LMBRD1: variants seen among roughly 807,000 people sequenced by gnomAD.
LMBRD1 encodes the protein lysosomal cobalamin transport escort protein LMBD1.
Under a neutral mutation model 74.8 loss-of-function variants are expected in LMBRD1, and 64 were observed. The ratio of observed to expected loss-of-function variants is 0.86; its 90% confidence interval spans 0.70 to 1.05. LMBRD1 has a LOEUF of 1.05. Among genes scored for constraint, LMBRD1 ranks in the 50% least tolerant of loss-of-function variants. The pLI, the probability that LMBRD1 is intolerant of heterozygous loss-of-function variation, is 0.00. For missense variants in LMBRD1, 652 were observed against 645.9 expected, an observed-to-expected ratio of 1.01 and a Z score of -0.10; for synonymous variants, 204 against 216.3, an observed-to-expected ratio of 0.94 and a Z score of 0.50.
intron 9 of LMBRD1, among the ~76,000 whole-genome samples, chr6:69,708,406 A>G (rs990391343): frequency 2.0e-5 from 3 of 152,176 alleles, no homozygotes; most frequent in East Asian, 3.8e-4. Flanking sequence ...ATCAAAAGGA[A>G]CTGCACTGCA....
chr6:69,780,401 CAA>C, intron 3 of LMBRD1, 91 bp downstream of exon 3: 1 of 943,528 alleles, frequency 1.1e-6, no homozygotes, highest in Non-Finnish European at 1.7e-6. Flanking sequence ...TAATTCGACC[CAA>C]GAGGAAGAAC....
In LMBRD1 at chr6:69,782,213, T is replaced by C. The variant is rs1181366070; in HGVS notation, c.247-1659A>G. Among the ~76,000 whole-genome samples the C allele has an allele frequency of 2.0e-5, 3 of 152,212 alleles. No individual in the cohort carries two copies. In the East Asian group the frequency reaches 5.8e-4, roughly 29 times the overall value. On this transcript the variant is annotated intron_variant, in intron 2 of 15. Coordinates refer to ENST00000649934, the MANE Select transcript of LMBRD1 (RefSeq NM_018368.4). ...AGTTTATTCATTGGACAATACTACT[T>C]GTCCAACAAATTACCTCAGGAGCTC...
intron 14 of LMBRD1, among the ~76,000 whole-genome samples, chr6:69,680,872 T>C (rs1464149074): frequency 1.3e-5 from 2 of 152,106 alleles, no homozygotes; most frequent in Non-Finnish European, 2.9e-5. Context: ...CCATCTGCCA[T>C]CTTCCAGCTG....
At chr6:69,762,375 CCGAGA>C (rs1765390841) in intron 3 of LMBRD1, among the ~76,000 whole-genome samples, 1 of 151,674 alleles carries the variant, frequency 6.6e-6, no homozygotes. Context: ...CTTTGTGTGG[CCGAGA>C]CAAGAGGATA....
chr6:69,750,678 T>C (rs1269304989), intron 4 of LMBRD1, among the ~76,000 whole-genome samples: 1 of 152,148 alleles, frequency 6.6e-6, no homozygotes, highest in Non-Finnish European at 1.5e-5. Context: ...GAATGTGCAC[T>C]TTGGAAGAAG....
rs960947344 is a variant in LMBRD1, at chr6:69,764,692, T to C, written c.308-12336A>G. Among the ~76,000 whole-genome samples the C allele has an allele frequency of 3.4e-4, 52 of 152,318 alleles. 1 individual carries two copies. The highest frequency in any genetic ancestry group is 1.1e-3 in the African/African-American group (46 of 41,576). On this transcript the variant is annotated intron_variant, in intron 3 of 15. Transcript: ENST00000649934. ...ATTGAATGGTTTTATTAATGATTGG[T>C]AAGATACATTTTGAATATAAGCCCT...
chr6:69,717,122 G>A (rs1766509090), intron 8 of LMBRD1, among the ~76,000 whole-genome samples: 2 of 151,894 alleles, frequency 1.3e-5, no homozygotes, highest in African/African-American at 4.8e-5. Context: ...TGTGGCTATT[G>A]TGAATGGGAT....
At chr6:69,752,470 C>G in intron 3 of LMBRD1, 114 bp from the exon 4 acceptor site, 1 of 845,802 alleles carries the variant, frequency 1.2e-6, no homozygotes, top group Non-Finnish European at 1.9e-6. Context: ...ATCTGATTCC[C>G]TCTTCTCATA....
At chr6:69,731,629 A>T (rs955684438) in intron 7 of LMBRD1, among the ~76,000 whole-genome samples, 3 of 152,080 alleles carry the variant, frequency 2.0e-5, no homozygotes, top group Non-Finnish European at 1.5e-5. Flanking sequence ...AATTTTGTGC[A>T]ACTGTAAGCT....
intron 3 of LMBRD1, among the ~76,000 whole-genome samples, chr6:69,762,570 G>A (rs1335872110): frequency 6.6e-6 from 1 of 152,138 alleles, no homozygotes; most frequent in Admixed American, 6.6e-5. Flanking sequence ...CAGCACCTGG[G>A]TATTGTCTGT....
chr6:69,757,957 C>T (rs1186193612), intron 3 of LMBRD1, among the ~76,000 whole-genome samples: 1 of 152,102 alleles, frequency 6.6e-6, no homozygotes, highest in Non-Finnish European at 1.5e-5. Context: ...AAATTAAACT[C>T]ATGAAACAAG....
chr6:69,700,355 T>C (rs558978179), intron 12 of LMBRD1, among the ~76,000 whole-genome samples: 2 of 151,972 alleles, frequency 1.3e-5, no homozygotes, highest in South Asian at 2.1e-4. Context: ...AGTGTATCTA[T>C]TATATTCGAA....
chr6:69,788,478 T>A (rs1338960521), intron 2 of LMBRD1, among the ~76,000 whole-genome samples: 1 of 152,128 alleles, frequency 6.6e-6, no homozygotes. Flanking sequence ...AAATCTCTTA[T>A]CCAAGAAACA....
intron 9 of LMBRD1, among the ~76,000 whole-genome samples, chr6:69,702,346 T>C (rs1486416854): frequency 3.3e-5 from 5 of 151,512 alleles, no homozygotes; most frequent in African/African-American, 1.2e-4. Context: ...CCCTGTTAGT[T>C]AAAATAGAAA....
At chr6:69,680,240 T>G (rs4706271) in intron 14 of LMBRD1, among the ~76,000 whole-genome samples, 55,026 of 152,042 alleles carry the variant, frequency 0.36, 10,545 homozygotes, top group East Asian at 0.54. Flanking sequence ...CATTCATGGT[T>G]TAAGTATTAC....
chr6:69,713,831 A>C (rs1225530252), intron 8 of LMBRD1, 34 bp from the exon 9 acceptor site: 1 of 1,611,590 alleles, frequency 6.2e-7, no homozygotes, highest in South Asian at 1.1e-5. Flanking sequence ...AAGTTTTACC[A>C]TTAACATCTT....
intron 9 of LMBRD1, chr6:69,706,094 GT>G: frequency 1.5e-6 from 1 of 659,286 alleles, no homozygotes; most frequent in East Asian, 3.2e-5. Context: ...TCAGCCTGTA[GT>G]TCACAACCAA....
At chr6:69,696,435 C>G (rs150448698) in intron 14 of LMBRD1, among the ~76,000 whole-genome samples, 473 of 152,228 alleles carry the variant, frequency 3.1e-3, no homozygotes, top group African/African-American at 0.011. Context: ...TTACTTCAAA[C>G]ACTTCATTAC....
At chr6:69,783,734 C>A (rs1765887386) in intron 2 of LMBRD1, among the ~76,000 whole-genome samples, 1 of 151,926 alleles carries the variant, frequency 6.6e-6, no homozygotes, top group Admixed American at 6.6e-5. Flanking sequence ...TAACAACTAT[C>A]TTTTTTTTAC....
Sources: allele counts gnomAD v4.1 joint callset (sites outside exome capture counted in the v4.1 genomes callset), GRCh38; gene constraint gnomAD v4.1.1; transcripts MANE v1.5; gene names NCBI Gene and HGNC (gene_info 2026-07-23, HGNC 2026-07-21).